The following ARMH3 variants were observed in gnomAD, a reference collection of about 807,000 sequenced individuals.
ARMH3 encodes armadillo-like helical domain-containing protein 3.
ARMH3 carries 60 observed loss-of-function variants against 99.1 expected under a neutral mutation model. The observed-to-expected ratio is 0.61, with a 90% confidence interval of 0.49 to 0.75. The LOEUF (loss-of-function observed/expected upper bound fraction) is 0.75. ARMH3 is among the 30% of genes least tolerant of loss of function. The pLI is 0.00. For synonymous variants in ARMH3, 285 were observed against 292.8 expected (o/e 0.97, Z 0.27); for missense variants, 679 against 843.1 (o/e 0.81, Z 2.41).
intron 19 of ARMH3, among the ~76,000 whole-genome samples, chr10:101,986,547 TTTGAGTA>T (rs1846517543): frequency 6.6e-6 from 1 of 152,168 alleles, no homozygotes; most frequent in South Asian, 2.1e-4. Context: ...AGATTCTGGC[TTTGAGTA>T]TTAAGTCTTT....
intron 24 of ARMH3, 137 bp from the exon 25 acceptor site, chr10:101,850,029 G>C: frequency 1.8e-6 from 1 of 561,064 alleles, no homozygotes; most frequent in Non-Finnish European, 3.0e-6. Flanking sequence ...TTATCTTCCA[G>C]AAAACAGCCT....
chr10:102,016,092 G>A (rs1487997528), intron 8 of ARMH3, among the ~76,000 whole-genome samples: 3 of 152,212 alleles, frequency 2.0e-5, no homozygotes, highest in Admixed American at 6.5e-5. Flanking sequence ...CTGTGATCAC[G>A]TCCTTCCACT....
At chr10:101,904,371 A>G (rs1248126569) in intron 23 of ARMH3, among the ~76,000 whole-genome samples, 1 of 152,168 alleles carries the variant, frequency 6.6e-6, no homozygotes, top group Non-Finnish European at 1.5e-5. Context: ...TCTAGCTTAC[A>G]TAAATGACAG....
chr10:101,975,049 T>TAAAAAAAAACAAAAAAAA (rs1845929782), intron 20 of ARMH3, among the ~76,000 whole-genome samples, 163 bp downstream of exon 20: 1 of 29,668 alleles, frequency 3.4e-5, no homozygotes, highest in Non-Finnish European at 6.0e-5. Context: ...AGCTAAAACG[T>TAAAAAAAAACAAAAAAAA]AAAAAAAAAA....
At chr10:101,884,963 C>T (rs2067505073) in intron 24 of ARMH3, among the ~76,000 whole-genome samples, 1 of 151,980 alleles carries the variant, frequency 6.6e-6, no homozygotes, top group Non-Finnish European at 1.5e-5. Flanking sequence ...TAACAGTTAA[C>T]AACAACAAAA....
chr10:101,990,618 G>A lies in ARMH3; in HGVS notation c.1346-7C>T. ...ATAAACTCTACCATCAGGTCTGAAA[G>A]GGGAATAGAGAAAAACTGGATCAAT... On this transcript the variant is annotated splice_polypyrimidine_tract_variant and splice_region_variant and intron_variant, in intron 18 of 25. Coordinates refer to ENST00000370033, the MANE Select transcript of ARMH3 (RefSeq NM_024541.3). 1 of 1,599,418 alleles carries A rather than the reference G, an allele frequency of 6.3e-7. No individual in the cohort carries two copies. The highest frequency in any genetic ancestry group is 8.6e-7 in the Non-Finnish European group (1 of 1,169,482).
chr10:102,049,279 C>T (rs1043938865), intron 1 of ARMH3, among the ~76,000 whole-genome samples: 3 of 152,264 alleles, frequency 2.0e-5, no homozygotes, highest in South Asian at 4.1e-4. Flanking sequence ...CGGTGGCTCA[C>T]GCCTGTAATC....
intron 23 of ARMH3, among the ~76,000 whole-genome samples, chr10:101,932,475 T>C (rs937836766): frequency 6.6e-6 from 1 of 152,240 alleles, no homozygotes; most frequent in African/African-American, 2.4e-5. Flanking sequence ...ATGTTCACAC[T>C]AGCATTAGTC....
chr10:102,044,589 C>T (rs952787829), intron 1 of ARMH3, among the ~76,000 whole-genome samples: 9 of 151,978 alleles, frequency 5.9e-5, no homozygotes, highest in Admixed American at 5.2e-4. Context: ...CCTGGCTGGT[C>T]TCAAACTCAA....
intron 23 of ARMH3, among the ~76,000 whole-genome samples, chr10:101,936,901 A>G (rs976899359): frequency 2.0e-5 from 3 of 152,248 alleles, no homozygotes; most frequent in African/African-American, 4.8e-5. Flanking sequence ...GCAGTATTTT[A>G]TAGTTCACTA....
intron 2 of ARMH3, among the ~76,000 whole-genome samples, chr10:102,036,663 T>C (rs1485817045): frequency 6.6e-6 from 1 of 151,970 alleles, no homozygotes; most frequent in Non-Finnish European, 1.5e-5. Context: ...GTTAAACAGA[T>C]GCTTGAAGGC....
chr10:101,877,671 T>A lies in ARMH3; in HGVS notation c.1860+11741A>T, dbSNP rs547225448. ...ACTTTGTCTTTAAAAAAAAAAAAAA[T>A]TTTTTTAAAGCTGACAATTACTAGA... On this transcript the variant is annotated intron_variant, in intron 24 of 25. Coordinates refer to ENST00000370033, the MANE Select transcript of ARMH3 (RefSeq NM_024541.3). 3.1e-3 allele frequency among the ~76,000 whole-genome samples: 405 copies of A among 132,488 alleles called. 2 individuals are homozygous for A. Among genetic ancestry groups the A allele is most frequent in the African/African-American group, 9.6e-3 (348 of 36,304 alleles). The allele number at this position is 132,488 out of a possible 152,430, so 86.9% of individuals were successfully genotyped here.
intron 19 of ARMH3, among the ~76,000 whole-genome samples, chr10:101,986,554 A>G (rs554101281): frequency 1.3e-5 from 2 of 151,950 alleles, no homozygotes; most frequent in East Asian, 3.9e-4. Flanking sequence ...GGCTTTGAGT[A>G]TTAAGTCTTT....
chr10:101,853,941 C>T (rs988590434), intron 24 of ARMH3, among the ~76,000 whole-genome samples: 1 of 152,090 alleles, frequency 6.6e-6, no homozygotes, highest in East Asian at 1.9e-4. Context: ...GGTGAAGCCC[C>T]GTCTCTACTA....
rs116047762 is a variant in ARMH3, at chr10:101,931,143, C to A, written c.1781+8720G>T. The stretch of plus-strand genomic sequence containing the variant: ...AGGAATGGAAATATGTAGGAAAAAA[C>A]GGGAGAGGCTCCATTTCTATCTCTA... On this transcript the variant is annotated intron_variant, in intron 23 of 25. Transcript: ENST00000370033. 9.3e-3 allele frequency among the ~76,000 whole-genome samples: 1,422 copies of A among 152,236 alleles called. 18 individuals are homozygous for A. The highest frequency in any genetic ancestry group is 0.032 in the African/African-American group (1,350 of 41,552).
chr10:101,912,182 C>G (rs1842893519), intron 23 of ARMH3, among the ~76,000 whole-genome samples: 1 of 151,942 alleles, frequency 6.6e-6, no homozygotes, highest in Non-Finnish European at 1.5e-5. Context: ...ATCACAACGT[C>G]AGGAGTTTGA....
At chr10:101,874,362 T>C (rs1171581804) in intron 24 of ARMH3, among the ~76,000 whole-genome samples, 3 of 152,174 alleles carry the variant, frequency 2.0e-5, no homozygotes, top group South Asian at 4.1e-4. Flanking sequence ...TTGGTCTTAA[T>C]ATTCCATTTT....
At chr10:101,884,067 C>G (rs2067483664) in intron 24 of ARMH3, among the ~76,000 whole-genome samples, 1 of 151,816 alleles carries the variant, frequency 6.6e-6, no homozygotes, top group African/African-American at 2.4e-5. Context: ...GAGGGACAAG[C>G]TGAAGACCAG....
chr10:102,050,224 C>T (rs972557101), intron 1 of ARMH3, among the ~76,000 whole-genome samples: 3 of 151,754 alleles, frequency 2.0e-5, no homozygotes, highest in Admixed American at 6.6e-5. Context: ...GGGCAGATCA[C>T]AAGGTCAGGA....
Sources: allele counts gnomAD v4.1 joint callset (sites outside exome capture counted in the v4.1 genomes callset), GRCh38; gene constraint gnomAD v4.1.1; transcripts MANE v1.5; gene names NCBI Gene and HGNC (gene_info 2026-07-23, HGNC 2026-07-21).